Variants in MAX observed in about 807,000 individuals in gnomAD.
MAX encodes MYC associated transcriptional regulator X.
A neutral mutation model predicts 22.3 loss-of-function variants in MAX; 3 were observed. That is an observed-to-expected ratio of 0.13 (90% CI 0.06 to 0.35). MAX has a LOEUF of 0.35. MAX is among the 10% of genes least tolerant of loss of function. The pLI, the probability that MAX is intolerant of heterozygous loss-of-function variation, is 1.00. For missense variants in MAX, 119 were observed against 209.4 expected (o/e 0.57, Z 2.66); for synonymous variants, 72 against 77.7 (o/e 0.93, Z 0.39).
intron 2 of MAX, among the ~76,000 whole-genome samples, chr14:65,095,627 T>C (rs1277992057): frequency 2.0e-5 from 3 of 152,150 alleles, no homozygotes; most frequent in Non-Finnish European, 4.4e-5. Context: ...GAGACAATAT[T>C]TGGCATGTGT....
chr14:65,018,739 G>A (rs2139538053), intron 3 of MAX, among the ~76,000 whole-genome samples: 1 of 151,346 alleles, frequency 6.6e-6, no homozygotes, highest in Admixed American at 6.6e-5. Flanking sequence ...GAATCTGGGA[G>A]GTGGACGTTG....
At chr14:65,061,108 A>G in intron 3 of MAX, 1 of 1,573,752 alleles carries the variant, frequency 6.4e-7, no homozygotes, top group Non-Finnish European at 8.6e-7. Context: ...AGTGCCTTTC[A>G]TGGAGCAAAG....
chr14:65,044,336 G>A lies in MAX; in HGVS notation c.172-38052C>T, dbSNP rs2062428182. The A allele has an allele frequency of 6.8e-6, 11 of 1,613,426 alleles. No individual in the cohort carries two copies. Among genetic ancestry groups the A allele is most frequent in the South Asian group, 1.1e-5 (1 of 90,872 alleles). On this transcript the variant is annotated intron_variant, in intron 3 of 3. Transcript: ENST00000341653. This position sits in a 1 kb window ranked among gnomAD's most constrained non-coding sequence, Gnocchi z 5.5. Reference sequence around the variant, plus strand: ...CAATGGGTGACAAGCCGGCAGATGCGATTTGAAGGAGGATTTCAGGGCCGC... The same window carrying A: ...CAATGGGTGACAAGCCGGCAGATGCAATTTGAAGGAGGATTTCAGGGCCGC...
At chr14:65,083,785 G>A in intron 3 of MAX, 1 of 1,119,276 alleles carries the variant, frequency 8.9e-7, no homozygotes, top group Non-Finnish European at 1.1e-6. Context: ...AGTTATTTTA[G>A]AGAAAATGAA....
At position 65,027,417 on chromosome 14, in the gene MAX, T is replaced by A; in HGVS notation, c.172-21133A>T. The A allele has an allele frequency of 1.2e-6, 2 of 1,611,476 alleles. No individual in the cohort carries two copies. The highest frequency in any genetic ancestry group is 1.7e-6 in the Non-Finnish European group (2 of 1,178,530). ...ATTTGGTGTTTTGACATGAATGCTC[T>A]CTGACTTTGTTTTTGCCCTTTGGCT... is the stretch of plus-strand genomic sequence containing the variant. On this transcript the variant is annotated intron_variant, in intron 3 of 3. Transcript: ENST00000341653. This position sits in a 1 kb window ranked among gnomAD's most constrained non-coding sequence, Gnocchi z 5.7.
Position 65,012,395 on chromosome 14 carries a change from C to CTA in MAX, c.172-6112_172-6111insTA. The CTA allele has an allele frequency of 6.2e-7, 1 of 1,614,066 alleles. No homozygotes were observed. Among genetic ancestry groups the CTA allele is most frequent in the Non-Finnish European group, 8.5e-7 (1 of 1,179,928 alleles). ...AACTGACAGATGCCTATGAGGTAAACACATTACCCAGGAACTCTTGCTGTC... is the reference window on the plus strand; with the variant it reads ...AACTGACAGATGCCTATGAGGTAAACTAACATTACCCAGGAACTCTTGCTGTC... On this transcript the variant is annotated intron_variant, in intron 3 of 3. Coordinates refer to the MAX transcript ENST00000341653. This position sits in a 1 kb window ranked among gnomAD's most constrained non-coding sequence, Gnocchi z 5.0.
chr14:65,044,714 C>T lies in MAX; in HGVS notation c.172-38430G>A, dbSNP rs1207001172. 3 of 471,582 alleles carry T rather than the reference C, an allele frequency of 6.4e-6. No individual in the cohort carries two copies. The highest frequency in any genetic ancestry group is 2.9e-5 in the South Asian group (1 of 34,712). 29.2% of individuals were successfully genotyped at this position (471,582 alleles called of 1,614,324 possible). A position where few individuals can be genotyped will look rare whatever the true frequency, so the allele number is the denominator to read the frequency against. On this transcript the variant is annotated intron_variant, in intron 3 of 3. Transcript: ENST00000341653. This position sits in a 1 kb window ranked among gnomAD's most constrained non-coding sequence, Gnocchi z 5.5. ...CTACGGGGAGCGGGGAGGAAGTGGGCGCTGCTTCTGCGTTATCTGGAAGGA... is the reference window on the plus strand; with the variant it reads ...CTACGGGGAGCGGGGAGGAAGTGGGTGCTGCTTCTGCGTTATCTGGAAGGA...
chr14:65,094,007 ACGCTTG>A, intron 2 of MAX, 192 bp from the exon 3 acceptor site: 1 of 636,522 alleles, frequency 1.6e-6, no homozygotes, highest in South Asian at 1.7e-5. Flanking sequence ...GGGGTGAGCA[ACGCTTG>A]CGACAGGAAC....
At chr14:65,036,515 G>T (rs1450873856) in intron 3 of MAX, among the ~76,000 whole-genome samples, 1 of 151,926 alleles carries the variant, frequency 6.6e-6, no homozygotes, top group Non-Finnish European at 1.5e-5. Flanking sequence ...GGGATTATAG[G>T]CGTGAGCCAC....
chr14:65,086,692 AG>A (rs1354855848), intron 3 of MAX, among the ~76,000 whole-genome samples: 1 of 152,250 alleles, frequency 6.6e-6, no homozygotes, highest in African/African-American at 2.4e-5. Flanking sequence ...CAGTTTTATA[AG>A]AGAAGCAGAG....
At position 65,084,151 on chromosome 14, in the gene MAX, T is replaced by C; in HGVS notation, c.172-6115A>G. The C allele has an allele frequency of 1.2e-6, 2 of 1,612,250 alleles. No homozygotes were observed. Among genetic ancestry groups the C allele is most frequent in the Non-Finnish European group, 8.5e-7 (1 of 1,178,786 alleles). On this transcript the variant is annotated intron_variant, in intron 3 of 4. Coordinates refer to ENST00000358664, the MANE Select transcript of MAX (RefSeq NM_002382.5). This position sits in a 1 kb window ranked among gnomAD's most constrained non-coding sequence, Gnocchi z 4.3. Reference sequence around the variant, plus strand: ...CTTAATTAAAGCCAGGAGTAAGACATTTGTGTAAGGGGTCAAAACAATCAT... The same window carrying C: ...CTTAATTAAAGCCAGGAGTAAGACACTTGTGTAAGGGGTCAAAACAATCAT...
rs2139979671 is a variant in MAX at position 65,102,422 on chromosome 14, C to A, written c.-83G>T. On this transcript the variant is annotated 5_prime_UTR_variant, in exon 1 of 5. Transcript: ENST00000358664. ...GGGAGGGGGAAGTCACCGACAACAACAAGCCGAGTCCCCCCCACACACACA... is the reference window on the plus strand; with the variant it reads ...GGGAGGGGGAAGTCACCGACAACAAAAAGCCGAGTCCCCCCCACACACACA... 1.3e-6 allele frequency: 2 copies of A among 1,562,744 alleles called. No homozygotes were observed. Among genetic ancestry groups the A allele is most frequent in the Admixed American group, 3.8e-5 (2 of 52,400 alleles).
At position 65,047,357 on chromosome 14, in the gene MAX, A is replaced by C. The variant is rs1171288380; in HGVS notation, c.172-41073T>G. Among the ~76,000 whole-genome samples, 1 of 152,260 alleles carries C rather than the reference A, an allele frequency of 6.6e-6. No individual in the cohort carries two copies. Among genetic ancestry groups the C allele is most frequent in the Non-Finnish European group, 1.5e-5 (1 of 68,048 alleles). On this transcript the variant is annotated intron_variant, in intron 3 of 3. Transcript: ENST00000341653. This position sits in a 1 kb window ranked among gnomAD's most constrained non-coding sequence, Gnocchi z 5.2. The stretch of plus-strand genomic sequence containing the variant: ...GGTTAGTATGTGGTTGTGTGAATCC[A>C]GACTAGCTGGCATCTGAACCCTGCC...
intron 2 of MAX, among the ~76,000 whole-genome samples, chr14:65,098,682 T>C (rs2063737199): frequency 6.6e-6 from 1 of 152,190 alleles, no homozygotes; most frequent in Admixed American, 6.6e-5. Context: ...AAAAATAACA[T>C]CAGTGGGATT....
chr14:65,046,592 G>A (rs1016947327), intron 3 of MAX, among the ~76,000 whole-genome samples: 2 of 152,156 alleles, frequency 1.3e-5, no homozygotes, highest in African/African-American at 4.8e-5. Flanking sequence ...TCATTGGCTG[G>A]GAGAAGGCCT....
intron 3 of MAX, among the ~76,000 whole-genome samples, chr14:65,056,399 G>A (rs1160698780): frequency 1.3e-5 from 2 of 152,170 alleles, no homozygotes; most frequent in South Asian, 2.1e-4. Context: ...AATGTCTCCA[G>A]GAGGGGACCT....
chr14:65,061,609 G>T, intron 3 of MAX: 1 of 307,598 alleles, frequency 3.3e-6, no homozygotes, highest in East Asian at 6.1e-5. Flanking sequence ...CTCCAGCCAG[G>T]ACGATCACAC....
In MAX at chr14:65,027,978, A is replaced by T. The variant is rs1285842367; in HGVS notation, c.172-21694T>A. 6.6e-6 allele frequency among the ~76,000 whole-genome samples: 1 copy of T among 152,220 alleles called. No homozygotes were observed. ...CTCAGGTGTCATGATCACTTGACTT[A>T]TTTTATGTAAATGTGAAAATATAAG... On this transcript the variant is annotated intron_variant, in intron 3 of 3. Transcript: ENST00000341653. This position sits in a 1 kb window ranked among gnomAD's most constrained non-coding sequence, Gnocchi z 5.7.
At chr14:65,067,626 T>G (rs1227829214) in intron 3 of MAX, among the ~76,000 whole-genome samples, 2 of 115,868 alleles carry the variant, frequency 1.7e-5, no homozygotes, top group African/African-American at 8.8e-5. Context: ...TGGGTTTATG[T>G]TTTTTTTTTT....
Sources: allele counts gnomAD v4.1 joint callset (sites outside exome capture counted in the v4.1 genomes callset), GRCh38; gene constraint gnomAD v4.1.1; non-coding constraint Gnocchi (gnomAD v3.1); transcripts MANE v1.5; gene names NCBI Gene and HGNC (gene_info 2026-07-23, HGNC 2026-07-21).